Variants in RASAL2 observed in about 807,000 individuals in gnomAD.
The protein encoded by RASAL2 is ras GTPase-activating protein nGAP.
A neutral mutation model predicts 128.9 loss-of-function variants in RASAL2; 58 were observed. The ratio of observed to expected loss-of-function variants is 0.45; its 90% CI spans 0.36 to 0.56. The LOEUF is 0.56. Among genes scored for constraint, RASAL2 ranks in the 20% least tolerant of loss-of-function variants. The probability of loss-of-function intolerance (pLI) is 0.00; values close to 1 mark genes in which losing one functional copy is unlikely to be tolerated. For missense variants in RASAL2, 1,360 were observed against 1,601.6 expected, an observed-to-expected ratio of 0.85 and a Z score of 2.57; for synonymous variants, 561 against 580.8, an observed-to-expected ratio of 0.97 and a Z score of 0.49.
At chr1:178,245,356 T>G (rs1034408482) in intron 1 of RASAL2, among the ~76,000 whole-genome samples, 3 of 152,250 alleles carry the variant, frequency 2.0e-5, no homozygotes, top group African/African-American at 7.2e-5. Flanking sequence ...CATATGTTTG[T>G]CAGCTCCATA....
At chr1:178,159,385 A>G (rs112681384) in intron 1 of RASAL2, among the ~76,000 whole-genome samples, 3,005 of 152,280 alleles carry the variant, frequency 0.02, 85 homozygotes, top group African/African-American at 0.065. Context: ...GCAATATGGA[A>G]GGGTAGACCT....
intron 2 of RASAL2, among the ~76,000 whole-genome samples, chr1:178,291,732 A>C (rs1253193441): frequency 6.6e-6 from 1 of 152,116 alleles, no homozygotes; most frequent in East Asian, 1.9e-4. Context: ...TTTCACCCAC[A>C]CTTAAGAATT....
At chr1:178,326,257 A>G (rs1434680677) in intron 3 of RASAL2, among the ~76,000 whole-genome samples, 2 of 152,226 alleles carry the variant, frequency 1.3e-5, no homozygotes, top group Non-Finnish European at 2.9e-5. Flanking sequence ...TGAATCATAT[A>G]TCAAAGGTAT....
intron 3 of RASAL2, among the ~76,000 whole-genome samples, chr1:178,362,824 T>C (rs1162602843): frequency 6.6e-6 from 1 of 152,160 alleles, no homozygotes; most frequent in South Asian, 2.1e-4. Flanking sequence ...CATTAATGTT[T>C]TGCAAATGGC....
Position 178,464,567 on chromosome 1 carries a change from G to GGTGTGTGTGTGTGTGT in RASAL2, c.3387+173_3387+188dup, listed in dbSNP as rs58822651. Reference sequence around the variant, plus strand: ...ACATATCTATGTAAAATAGGTCAGTGGTGTGTGTGTGTGTGTGTGTGTGTG... The same window carrying GGTGTGTGTGTGTGTGT: ...ACATATCTATGTAAAATAGGTCAGTGGTGTGTGTGTGTGTGTGTGTGTGTGTGTGTGTGTGTGTGTG... On this transcript the variant is annotated intron_variant, in intron 15 of 17. Transcript: ENST00000367649. Among the ~76,000 whole-genome samples, 1,372 of 145,084 alleles carry GGTGTGTGTGTGTGTGT rather than the reference G, an allele frequency of 9.5e-3. 16 individuals carry two copies. The highest frequency in any genetic ancestry group is 0.019 in the African/African-American group (764 of 39,400).
intron 1 of RASAL2, among the ~76,000 whole-genome samples, chr1:178,097,571 T>G (rs1351902199): frequency 1.3e-5 from 2 of 152,186 alleles, no homozygotes; most frequent in African/African-American, 2.4e-5. Context: ...GTTGCTTAGG[T>G]CTAGTTCATC....
intron 14 of RASAL2, among the ~76,000 whole-genome samples, chr1:178,460,248 G>C (rs1678085069): frequency 6.6e-6 from 1 of 152,098 alleles, no homozygotes; most frequent in African/African-American, 2.4e-5. Context: ...TCCTCCACCT[G>C]CTTTTCAAAA....
intron 14 of RASAL2, 104 bp downstream of exon 14, chr1:178,458,648 T>A: frequency 1.4e-6 from 2 of 1,436,042 alleles, no homozygotes; most frequent in Non-Finnish European, 1.9e-6. Flanking sequence ...CAAGATTTCC[T>A]CTTAAAAGCA....
chr1:178,173,611 C>T (rs1661777830), intron 1 of RASAL2, among the ~76,000 whole-genome samples: 1 of 152,036 alleles, frequency 6.6e-6, no homozygotes, highest in Non-Finnish European at 1.5e-5. Context: ...TGGAGTCTAA[C>T]AGGTATGGAA....
intron 3 of RASAL2, among the ~76,000 whole-genome samples, chr1:178,313,043 A>G (rs1195287719): frequency 2.0e-5 from 3 of 152,202 alleles, no homozygotes; most frequent in Non-Finnish European, 4.4e-5. Context: ...TGGCAAAGAT[A>G]GGCTTTGAAC....
intron 1 of RASAL2, among the ~76,000 whole-genome samples, chr1:178,268,631 A>AAG (rs572763683): frequency 6.6e-6 from 1 of 152,112 alleles, no homozygotes; most frequent in Non-Finnish European, 1.5e-5. Flanking sequence ...TTAGAAAAAA[A>AAG]AGAGAGAGAG....
chr1:178,218,422 C>T lies in RASAL2; in HGVS notation c.203-65142C>T, dbSNP rs186854488. Among the ~76,000 whole-genome samples the T allele has an allele frequency of 1.1e-3, 164 of 152,322 alleles. 1 individual carries two copies. Among genetic ancestry groups the T allele is most frequent in the Middle Eastern group, 3.4e-3 (1 of 294 alleles). On this transcript the variant is annotated intron_variant, in intron 1 of 17. Transcript: ENST00000367649. ...CAGTATGCGGCCAGGTGCAGTGGCT[C>T]ATGCCTGTAATCCCAGCACTTTGGA...
intron 3 of RASAL2, among the ~76,000 whole-genome samples, chr1:178,349,834 G>T (rs1670364071): frequency 6.6e-6 from 1 of 152,042 alleles, no homozygotes; most frequent in African/African-American, 2.4e-5. Flanking sequence ...TGTTATATTG[G>T]ACGAAAAATA....
At chr1:178,415,924 T>C (rs758566942) in intron 4 of RASAL2, among the ~76,000 whole-genome samples, 3 of 152,106 alleles carry the variant, frequency 2.0e-5, no homozygotes, top group Non-Finnish European at 2.9e-5. Context: ...TTTCCATCCA[T>C]TTACTATTAA....
At chr1:178,199,966 A>C (rs926692416) in intron 1 of RASAL2, among the ~76,000 whole-genome samples, 1 of 152,202 alleles carries the variant, frequency 6.6e-6, no homozygotes, top group African/African-American at 2.4e-5. Context: ...TCTTTCTCCC[A>C]TGCTGGATGC....
chr1:178,219,694 C>T (rs1381568660), intron 1 of RASAL2, among the ~76,000 whole-genome samples: 2 of 151,878 alleles, frequency 1.3e-5, no homozygotes, highest in African/African-American at 2.4e-5. Context: ...AATTCACAAC[C>T]TGGCTGTTTG....
At chr1:178,232,544 C>A (rs1308598131) in intron 1 of RASAL2, among the ~76,000 whole-genome samples, 1 of 152,108 alleles carries the variant, frequency 6.6e-6, no homozygotes, top group East Asian at 1.9e-4. Flanking sequence ...TCTGCCTCTG[C>A]TCTTTTTCTT....
intron 1 of RASAL2, among the ~76,000 whole-genome samples, chr1:178,197,115 A>T (rs1043674197): frequency 2.0e-5 from 3 of 152,174 alleles, no homozygotes; most frequent in Admixed American, 6.5e-5. Flanking sequence ...GGAGTTAAAG[A>T]CCAGCCTGGC....
chr1:178,157,303 C>A (rs1467369558), intron 1 of RASAL2, among the ~76,000 whole-genome samples: 1 of 152,120 alleles, frequency 6.6e-6, no homozygotes, highest in Non-Finnish European at 1.5e-5. Context: ...GGAGGAGCCT[C>A]CCAGGAATCC....
Sources: allele counts gnomAD v4.1 joint callset (sites outside exome capture counted in the v4.1 genomes callset), GRCh38; gene constraint gnomAD v4.1.1; transcripts MANE v1.5; gene names NCBI Gene and HGNC (gene_info 2026-07-23, HGNC 2026-07-21).